Variants in ARMH3 observed in about 807,000 individuals in gnomAD.
ARMH3 encodes the protein armadillo-like helical domain-containing protein 3.
Under a neutral mutation model 99.1 loss-of-function variants are expected in ARMH3, and 60 were observed. The observed-to-expected ratio is 0.61, with a 90% confidence interval of 0.49 to 0.75. ARMH3 has a LOEUF of 0.75. ARMH3 is among the 30% of genes least tolerant of loss of function. The pLI, the probability that ARMH3 is intolerant of heterozygous loss-of-function variation, is 0.00. For missense variants in ARMH3, 679 were observed against 843.1 expected, an observed-to-expected ratio of 0.81 and a Z score of 2.41; for synonymous variants, 285 against 292.8, an observed-to-expected ratio of 0.97 and a Z score of 0.27.
chr10:102,054,817 G>A (rs1208370691), intron 1 of ARMH3, among the ~76,000 whole-genome samples: 2 of 151,900 alleles, frequency 1.3e-5, no homozygotes, highest in Non-Finnish European at 2.9e-5. Context: ...CCAACATGGC[G>A]AAACCCTGTC....
chr10:102,011,749 C>T lies in ARMH3; in HGVS notation c.805G>A (p.Gly269Ser). 6.2e-7 allele frequency: 1 copy of T among 1,608,832 alleles called. No homozygotes were observed. Among genetic ancestry groups the T allele is most frequent in the East Asian group, 2.2e-5 (1 of 44,738 alleles). Residue 269 changes from glycine (G) to serine (S), a missense_variant, in exon 11 of 26, where the codon GGT (glycine) becomes AGT (serine). Transcript: ENST00000370033. The stretch of plus-strand genomic sequence containing the variant: ...ATATTTGTTAAAGCAGAGAAAAAAC[C>T]ACTTTGGTGTTCTTCTTCCTTGTCT... ...YKDKEEEHQS[G>S]FFSALTNMVG...
intron 23 of ARMH3, among the ~76,000 whole-genome samples, chr10:101,919,531 G>C (rs539283884): frequency 6.6e-6 from 1 of 152,248 alleles, no homozygotes; most frequent in African/African-American, 2.4e-5. Flanking sequence ...TGTTCTTAGA[G>C]GGCTTTGCTT....
chr10:101,900,221 T>C (rs1003021278), intron 23 of ARMH3, among the ~76,000 whole-genome samples: 1 of 152,232 alleles, frequency 6.6e-6, no homozygotes, highest in African/African-American at 2.4e-5. Flanking sequence ...GCAGAGTTCC[T>C]GGGGCTACAG....
chr10:101,987,105 T>C (rs911195537), intron 19 of ARMH3, among the ~76,000 whole-genome samples: 4 of 152,188 alleles, frequency 2.6e-5, no homozygotes, highest in Admixed American at 6.5e-5. Flanking sequence ...AACTTTACAG[T>C]AATGAACATA....
At chr10:101,972,935 G>A (rs928449197) in intron 20 of ARMH3, among the ~76,000 whole-genome samples, 10 of 152,190 alleles carry the variant, frequency 6.6e-5, no homozygotes, top group African/African-American at 1.9e-4. Context: ...AGAGCTGAAA[G>A]TTCTGAAAGA....
intron 22 of ARMH3, among the ~76,000 whole-genome samples, chr10:101,940,351 C>T (rs1844181989): frequency 6.6e-6 from 1 of 152,142 alleles, no homozygotes; most frequent in African/African-American, 2.4e-5. Flanking sequence ...AGTTGATGTC[C>T]CTTCCTGCTC....
intron 23 of ARMH3, among the ~76,000 whole-genome samples, chr10:101,916,932 T>C (rs534655887): frequency 3.3e-5 from 5 of 152,322 alleles, no homozygotes; most frequent in African/African-American, 9.6e-5. Flanking sequence ...TTTTGGACTC[T>C]AGGACTTACA....
At chr10:102,028,572 G>T (rs1296794142) in intron 5 of ARMH3, among the ~76,000 whole-genome samples, 1 of 152,170 alleles carries the variant, frequency 6.6e-6, no homozygotes, top group African/African-American at 2.4e-5. Flanking sequence ...AAAAAGGAAT[G>T]AAATACTAAT....
rs533691757 is a variant in ARMH3 at position 102,032,948 on chromosome 10, G to A, written c.306+78C>T. On this transcript the variant is annotated intron_variant, in intron 4 of 25. Coordinates refer to ENST00000370033, the MANE Select transcript of ARMH3 (RefSeq NM_024541.3). The stretch of plus-strand genomic sequence containing the variant: ...AACCTCATACCTCAGAGCAACTCTA[G>A]GTTCCTCAGTTCAAACAGATGTGTT... 1.5e-4 allele frequency: 227 copies of A among 1,497,082 alleles called. No individual in the cohort carries two copies. The South Asian group carries it at 2.7e-3, about 18-fold the overall frequency. 92.7% of individuals were successfully genotyped at this position (1,497,082 alleles called of 1,614,324 possible). A position where few individuals can be genotyped will look rare whatever the true frequency, so the allele number is the denominator to read the frequency against.
At position 101,971,920 on chromosome 10, in the gene ARMH3, T is replaced by C. The variant is rs1330826293; in HGVS notation, c.1495+3292A>G. Among the ~76,000 whole-genome samples, 38 of 152,230 alleles carry C rather than the reference T, an allele frequency of 2.5e-4. 1 individual carries two copies. The highest frequency in any genetic ancestry group is 2.4e-3 in the Admixed American group (37 of 15,286). On this transcript the variant is annotated intron_variant, in intron 20 of 25. Transcript: ENST00000370033. Reference sequence around the variant, plus strand: ...CAGAGAAGAGCTTTCAAACTTTCTATATGTGGTGAAAAACAGTGATTGCTG... The same window carrying C: ...CAGAGAAGAGCTTTCAAACTTTCTACATGTGGTGAAAAACAGTGATTGCTG...
chr10:102,028,372 G>A (rs1695228776), intron 5 of ARMH3, among the ~76,000 whole-genome samples: 1 of 152,022 alleles, frequency 6.6e-6, no homozygotes, highest in African/African-American at 2.4e-5. Flanking sequence ...AACATAGCAA[G>A]ACCTCATCTC....
At chr10:102,031,336 T>C (rs749443196) in intron 4 of ARMH3, among the ~76,000 whole-genome samples, 16 of 152,240 alleles carry the variant, frequency 1.1e-4, no homozygotes, top group Non-Finnish European at 2.1e-4. Flanking sequence ...ACTTAGTCCC[T>C]GGAACTCTGT....
chr10:102,030,458 C>T (rs1035245585), intron 4 of ARMH3, among the ~76,000 whole-genome samples: 1 of 152,102 alleles, frequency 6.6e-6, no homozygotes, highest in Non-Finnish European at 1.5e-5. Context: ...CCTGTAATCC[C>T]AACACTTTGG....
chr10:101,919,454 C>T (rs1310267355), intron 23 of ARMH3, among the ~76,000 whole-genome samples: 1 of 152,138 alleles, frequency 6.6e-6, no homozygotes, highest in Non-Finnish European at 1.5e-5. Context: ...GCCAACGAAG[C>T]TCACAGCACT....
intron 19 of ARMH3, among the ~76,000 whole-genome samples, chr10:101,981,135 C>T (rs577354986): frequency 6.6e-6 from 1 of 151,786 alleles, no homozygotes; most frequent in East Asian, 1.9e-4. Context: ...ATGTAACAAA[C>T]CTGCACATTC....
At chr10:101,885,265 C>A (rs1347121080) in intron 24 of ARMH3, among the ~76,000 whole-genome samples, 3 of 152,154 alleles carry the variant, frequency 2.0e-5, no homozygotes, top group Admixed American at 2.0e-4. Context: ...TGTGATCCAG[C>A]AATTCCACTT....
chr10:101,890,871 T>C (rs1589973320), intron 23 of ARMH3, among the ~76,000 whole-genome samples: 1 of 148,744 alleles, frequency 6.7e-6, no homozygotes, highest in South Asian at 2.1e-4. Flanking sequence ...ACCTGACTGG[T>C]ATTTTTTTTT....
chr10:101,992,875 A>T (rs1383035867), intron 17 of ARMH3, among the ~76,000 whole-genome samples: 1 of 152,152 alleles, frequency 6.6e-6, no homozygotes, highest in Non-Finnish European at 1.5e-5. Context: ...TTCTCAGATG[A>T]ACAAATCTGA....
At chr10:102,042,810 C>T (rs1386970014) in intron 1 of ARMH3, among the ~76,000 whole-genome samples, 1 of 152,218 alleles carries the variant, frequency 6.6e-6, no homozygotes, top group African/African-American at 2.4e-5. Flanking sequence ...CAGTGGCTCA[C>T]GCCTGTAATC....
Sources: allele counts gnomAD v4.1 joint callset (sites outside exome capture counted in the v4.1 genomes callset), GRCh38; gene constraint gnomAD v4.1.1; transcripts MANE v1.5; gene names NCBI Gene and HGNC (gene_info 2026-07-23, HGNC 2026-07-21).